OSBPL5: variants seen among roughly 807,000 people sequenced by gnomAD.
OSBPL5 encodes oxysterol-binding protein-related protein 5.
OSBPL5 carries 71 observed loss-of-function variants against 111.2 expected under a neutral mutation model. The ratio of observed to expected loss-of-function variants is 0.64; its 90% confidence interval spans 0.53 to 0.78. The LOEUF (loss-of-function observed/expected upper bound fraction) is 0.78. Ranked by LOEUF, OSBPL5 falls within the 30% of genes least tolerant of loss-of-function variation. The pLI, the probability that OSBPL5 is intolerant of heterozygous loss-of-function variation, is 0.00. For missense variants in OSBPL5, 1,210 were observed against 1,189.3 expected, an observed-to-expected ratio of 1.02 and a Z score of -0.26; for synonymous variants, 549 against 513.9, an observed-to-expected ratio of 1.07 and a Z score of -0.93.
Position 3,094,267 on chromosome 11 carries a change from GT to G in OSBPL5, c.1688del (p.Asn563ThrfsTer70). Reference protein sequence around the residue: ...GKVTIECAKNNFQAQLEFKLK... With the variant: ...GKVTIECAKNXFQAQLEFKLK... The stretch of plus-strand genomic sequence containing the variant: ...GTTTGAATTCCAGCTGGGCCTGGAA[GT>G]TGTTCTTCGCACACTCGATGGTGAC... On this transcript the variant is annotated frameshift_variant, in exon 15 of 22. Transcript: ENST00000263650. LOFTEE classifies it high-confidence loss of function. 1 of 1,613,670 alleles carries G rather than the reference GT, an allele frequency of 6.2e-7. No individual in the cohort carries two copies. The highest frequency in any genetic ancestry group is 8.5e-7 in the Non-Finnish European group (1 of 1,179,980).
rs1858068586 is a variant in OSBPL5 at position 3,113,216 on chromosome 11, G to C, written c.692-5271C>G. 1.3e-5 allele frequency among the ~76,000 whole-genome samples: 2 copies of C among 152,162 alleles called. No individual in the cohort carries two copies. The highest frequency in any genetic ancestry group is 2.4e-5 in the African/African-American group (1 of 41,444). ...AGCTAGCTTTAAAATTATTGGTAAA[G>C]TAATATTAGAAATGTCTTAAGAATT... On this transcript the variant is annotated intron_variant, in intron 7 of 21. Coordinates refer to ENST00000263650, the MANE Select transcript of OSBPL5 (RefSeq NM_020896.4). The surrounding 1 kb of genome is among the most constrained non-coding windows in gnomAD (Gnocchi z 4.8).
intron 7 of OSBPL5, among the ~76,000 whole-genome samples, chr11:3,117,945 G>A (rs988834708): frequency 6.6e-6 from 1 of 152,146 alleles, no homozygotes; most frequent in African/African-American, 2.4e-5. Flanking sequence ...TCCCAGGATT[G>A]TTCTTTTGTT....
chr11:3,145,150 T>A (rs902909025), intron 1 of OSBPL5, among the ~76,000 whole-genome samples: 1 of 152,238 alleles, frequency 6.6e-6, no homozygotes, highest in Non-Finnish European at 1.5e-5. Context: ...GCACCTGGGC[T>A]GGCCCCGTGC....
intron 7 of OSBPL5, among the ~76,000 whole-genome samples, chr11:3,114,892 G>A (rs531887379): frequency 2.6e-5 from 4 of 152,096 alleles, no homozygotes; most frequent in African/African-American, 7.2e-5. Flanking sequence ...ATGAGCCACC[G>A]CACCTGGCCG....
At chr11:3,116,492 A>C (rs934321617) in intron 7 of OSBPL5, among the ~76,000 whole-genome samples, 7 of 152,216 alleles carry the variant, frequency 4.6e-5, no homozygotes, top group Admixed American at 1.3e-4. Context: ...TTCAGGGTTC[A>C]TGGAGAGCTG....
chr11:3,093,825 C>A lies in OSBPL5; in HGVS notation c.1730G>T (p.Gly577Val). ...GATCTGGTTGATGCTGGTGCTACCC[C>A]CGAAGAAGGGCTGCGGGGCCACACC... The part of the protein sequence containing the change: ...QLEFKLKPFF[G>V]GSTSINQISG... The change falls in exon 16 of 22, where the codon GGG (glycine) becomes GTG (valine). Residue 577 changes from glycine to valine, a missense_variant. Gly to Val is a moderately radical substitution (Grantham distance 109). Coordinates refer to ENST00000263650, the MANE Select transcript of OSBPL5 (RefSeq NM_020896.4). The A allele has an allele frequency of 3.7e-6, 6 of 1,612,054 alleles. No homozygotes were observed. Among genetic ancestry groups the A allele is most frequent in the Non-Finnish European group, 5.1e-6 (6 of 1,179,866 alleles).
rs1313665191 is a variant in OSBPL5, at chr11:3,094,219, G to T, written c.1719+18C>A. ...TCCTTCCCTGGCCTCGTCTCCCCCA[G>T]GCTGCAGCCAGCGCTACCTTGAGTT... On this transcript the variant is annotated intron_variant, in intron 15 of 21. Transcript: ENST00000263650. 2.5e-6 allele frequency: 4 copies of T among 1,610,974 alleles called. No individual in the cohort carries two copies. The highest frequency in any genetic ancestry group is 3.4e-6 in the Non-Finnish European group (4 of 1,178,498).
intron 1 of OSBPL5, among the ~76,000 whole-genome samples, chr11:3,137,382 G>T (rs1308908631): frequency 6.6e-6 from 1 of 152,228 alleles, no homozygotes; most frequent in African/African-American, 2.4e-5. Flanking sequence ...CGCTTTCCCA[G>T]GACATCTGCT....
At chr11:3,098,686 T>C (rs1267529841) in intron 14 of OSBPL5, among the ~76,000 whole-genome samples, 1 of 151,864 alleles carries the variant, frequency 6.6e-6, no homozygotes, top group East Asian at 1.9e-4. Context: ...TGTATATTTA[T>C]TAGAGACGGA....
rs1172521944 is a variant in OSBPL5 at position 3,161,387 on chromosome 11, A to C, written c.-22+3829T>G. 2 of 152,212 alleles carry C rather than the reference A, an allele frequency of 1.3e-5. No individual in the cohort carries two copies. Among genetic ancestry groups the C allele is most frequent in the African/African-American group, 4.8e-5 (2 of 41,440 alleles). 9.4% of individuals were successfully genotyped at this position (152,212 alleles called of 1,614,324 possible). A position where few individuals can be genotyped will look rare whatever the true frequency, so the allele number is the denominator to read the frequency against. On this transcript the variant is annotated intron_variant, in intron 1 of 21. Coordinates refer to ENST00000263650, the MANE Select transcript of OSBPL5 (RefSeq NM_020896.4). This position sits in a 1 kb window ranked among gnomAD's most constrained non-coding sequence, Gnocchi z 8.0. Reference sequence around the variant, plus strand: ...TTGTCCTTCCCATCCTAGAGCATGGAGGAAATGAGCTGGTCACGTCCCACA... The same window carrying C: ...TTGTCCTTCCCATCCTAGAGCATGGCGGAAATGAGCTGGTCACGTCCCACA...
rs1032365847 is a variant in OSBPL5 at position 3,142,868 on chromosome 11, G to C, written c.-21-13699C>G. On this transcript the variant is annotated intron_variant, in intron 1 of 21. Transcript: ENST00000263650. This position sits in a 1 kb window ranked among gnomAD's most constrained non-coding sequence, Gnocchi z 7.1. ...TGCACACAAGGAAACAGTGAGACCA[G>C]AGGAAAAGGACAAAACCAGTCACCC... Among the ~76,000 whole-genome samples, 3 of 151,864 alleles carry C rather than the reference G, an allele frequency of 2.0e-5. No homozygotes were observed. Among genetic ancestry groups the C allele is most frequent in the African/African-American group, 7.3e-5 (3 of 41,322 alleles).
At chr11:3,159,480 T>A (rs1210646905) in intron 1 of OSBPL5, among the ~76,000 whole-genome samples, 2 of 152,200 alleles carry the variant, frequency 1.3e-5, no homozygotes, top group Non-Finnish European at 2.9e-5. Flanking sequence ...AGGGACACCA[T>A]GTACTATGGT....
chr11:3,098,043 G>A (rs1023207543), intron 14 of OSBPL5, among the ~76,000 whole-genome samples: 2 of 152,024 alleles, frequency 1.3e-5, no homozygotes, highest in Admixed American at 6.6e-5. Context: ...ACTCCAGCCC[G>A]GGCAACAAGA....
chr11:3,122,641 T>C (rs1227095295), intron 3 of OSBPL5, among the ~76,000 whole-genome samples: 1 of 152,092 alleles, frequency 6.6e-6, no homozygotes, highest in East Asian at 1.9e-4. Context: ...AGACCCTCCA[T>C]GGGCACACGC....
intron 3 of OSBPL5, among the ~76,000 whole-genome samples, chr11:3,125,735 G>A (rs1310947225): frequency 6.6e-6 from 1 of 151,516 alleles, no homozygotes; most frequent in East Asian, 1.9e-4. Flanking sequence ...AACCCGGGAG[G>A]CGGAGCTTGC....
chr11:3,093,152 C>A (rs552178452), intron 17 of OSBPL5, 100 bp from the exon 18 acceptor site: 7 of 1,251,064 alleles, frequency 5.6e-6, no homozygotes, highest in Non-Finnish European at 6.4e-6. Flanking sequence ...AGGCACAGAG[C>A]AACCTCTGCG....
chr11:3,121,061 C>CT lies in OSBPL5; in HGVS notation c.403-438dup, dbSNP rs34351257. ...CTTGTAACTGGCAGCTTTGTAGATT[C>CT]TTTTTTTTTTTTTTTTTGAGACAGA... On this transcript the variant is annotated intron_variant, in intron 5 of 21. Transcript: ENST00000263650. This position sits in a 1 kb window ranked among gnomAD's most constrained non-coding sequence, Gnocchi z 4.3. 0.23 allele frequency among the ~76,000 whole-genome samples: 29,848 copies of CT among 130,188 alleles called. 3,734 individuals are homozygous for CT. Among genetic ancestry groups the CT allele is most frequent in the African/African-American group, 0.25 (8,558 of 34,618 alleles). The allele number at this position is 130,188 out of a possible 152,430, so 85.4% of individuals were successfully genotyped here. A position where few individuals can be genotyped will look rare whatever the true frequency, so the allele number is the denominator to read the frequency against.
rs1232098830 is a variant in OSBPL5 at position 3,090,052 on chromosome 11, G to A, written c.2399-104C>T. 3.7e-6 allele frequency: 3 copies of A among 814,350 alleles called. No individual in the cohort carries two copies. The East Asian group carries it at 8.4e-5, about 23-fold the overall frequency. 50.4% of individuals were successfully genotyped at this position (814,350 alleles called of 1,614,324 possible). A position where few individuals can be genotyped will look rare whatever the true frequency, so the allele number is the denominator to read the frequency against. On this transcript the variant is annotated intron_variant, in intron 20 of 21. Coordinates refer to ENST00000263650, the MANE Select transcript of OSBPL5 (RefSeq NM_020896.4). ...GGGTCACAGGGTCATATCCAGCTCG[G>A]GCCTCCACCCCACCTCATGGGAAAC...
chr11:3,125,210 C>A (rs914252912), intron 3 of OSBPL5, among the ~76,000 whole-genome samples: 1 of 152,258 alleles, frequency 6.6e-6, no homozygotes, highest in African/African-American at 2.4e-5. Flanking sequence ...CTGACCAGAA[C>A]TTTGCAACCT....
Sources: allele counts gnomAD v4.1 joint callset (sites outside exome capture counted in the v4.1 genomes callset), GRCh38; gene constraint gnomAD v4.1.1; non-coding constraint Gnocchi (gnomAD v3.1); transcripts MANE v1.5; gene names NCBI Gene and HGNC (gene_info 2026-07-23, HGNC 2026-07-21).